TTN: variants seen among roughly 807,000 people sequenced by gnomAD.
The protein encoded by TTN is titin.
A neutral mutation model predicts 3,223.0 loss-of-function variants in TTN; 1,525 were observed. The observed-to-expected ratio is 0.47, with a 90% CI of 0.45 to 0.49. TTN has a LOEUF of 0.49. Among genes scored for constraint, TTN ranks in the 20% least tolerant of loss-of-function variants. TTN has a pLI of 0.00. For synonymous variants in TTN, 14,094 were observed against 15,161.0 expected (o/e 0.93, Z 5.17); for missense variants, 40,786 against 43,424.0 (o/e 0.94, Z 5.40).
chr2:178,634,916 T>C lies in TTN; in HGVS notation c.42025-67A>G, dbSNP rs569261819. On this transcript the variant is annotated intron_variant, in intron 228 of 362. Transcript: ENST00000589042. The surrounding 1 kb of genome is among the most constrained non-coding windows in gnomAD (Gnocchi z 4.6). The stretch of plus-strand genomic sequence containing the variant: ...TTCCCTATAGGAGAAGTGTTTCAGA[T>C]ACAAATTTCTATAGAGTTTTAAAAA... The C allele has an allele frequency of 3.9e-6, 6 of 1,528,312 alleles. No homozygotes were observed. In the South Asian group the frequency reaches 7.6e-5, roughly 19 times the overall value. The allele number at this position is 1,528,312 out of a possible 1,614,324, so 94.7% of individuals were successfully genotyped here.
Position 178,549,703 on chromosome 2 carries a change from T to A in TTN, c.92019A>T (p.Lys30673Asn), listed in dbSNP as rs779897504. The change falls in exon 338 of 363, where the codon AAA becomes AAT. Residue 30673 changes from lysine to asparagine, a missense_variant. Physicochemically the swap from Lys to Asn is moderately conservative, Grantham distance 94. Transcript: ENST00000589042. Reference sequence around the variant, plus strand: ...TGGCAGTGTAACTTTGGGCTTCACATTTATCCTCAATTAGTGCCCAGGCAA... The same window carrying A: ...TGGCAGTGTAACTTTGGGCTTCACAATTATCCTCAATTAGTGCCCAGGCAA... ...SRLAWALIED[K>N]CEAQSYTAIK... The A allele has an allele frequency of 9.9e-6, 16 of 1,613,632 alleles. No homozygotes were observed. In the East Asian group the frequency reaches 3.6e-4, roughly 36 times the overall value.
Position 178,567,996 on chromosome 2 carries a change from G to T in TTN, c.78136C>A (p.His26046Asn), listed in dbSNP as rs747097682. 10 of 1,613,290 alleles carry T rather than the reference G, an allele frequency of 6.2e-6. No homozygotes were observed. In the Admixed American group the frequency reaches 1.7e-4, roughly 27 times the overall value. The change falls in exon 326 of 363, where the codon CAT (histidine) becomes AAT (asparagine). Residue 26046 changes from histidine to asparagine, a missense_variant. Physicochemically the swap from His to Asn is moderately conservative, Grantham distance 68 (BLOSUM62 1). Coordinates refer to ENST00000589042, the MANE Select transcript of TTN (RefSeq NM_001267550.2). Reference sequence around the variant, plus strand: ...TTCTGTGCTTTGAATTGGGTGTCATGAATAATAGTTTTGTTGACCTTTGTC... The same window carrying T: ...TTCTGTGCTTTGAATTGGGTGTCATTAATAATAGTTTTGTTGACCTTTGTC... ...LWTKVNKTII[H>N]DTQFKAQNLE...
In TTN at chr2:178,618,190, A is replaced by G. The variant is rs767648160; in HGVS notation, c.47268T>C (p.Tyr15756=). ...TDNPVEARSK[Y]DVPGPPLNVT... ...TTGAATTTACTTAAAACTTCTTACC[A>G]TATTTACTCCTTGCTTCTACAGGAT... Residue 15756 remains tyrosine, a splice_region_variant and synonymous_variant, in exon 252 of 363, where the codon TAT becomes TAC. Coordinates refer to ENST00000589042, the MANE Select transcript of TTN (RefSeq NM_001267550.2). The G allele has an allele frequency of 9.3e-6, 15 of 1,611,504 alleles. No individual in the cohort carries two copies. The South Asian group carries it at 1.7e-4, about 18-fold the overall frequency.
intron 13 of TTN, among the ~76,000 whole-genome samples, chr2:178,787,217 C>G (rs910625919): frequency 6.6e-6 from 1 of 151,978 alleles, no homozygotes; most frequent in Admixed American, 6.6e-5. Context: ...CTGAACCATT[C>G]AAGATATAAA....
intron 312 of TTN, 133 bp downstream of exon 312, chr2:178,583,474 T>A: frequency 9.9e-7 from 1 of 1,010,232 alleles, no homozygotes; most frequent in East Asian, 2.7e-5. Context: ...ATAATCATAA[T>A]GTTTGTGTCT....
chr2:178,713,337 T>C lies in TTN; in HGVS notation c.26797A>G (p.Lys8933Glu). 6.4e-7 allele frequency: 1 copy of C among 1,556,460 alleles called. No individual in the cohort carries two copies. The highest frequency in any genetic ancestry group is 1.4e-5 in the African/African-American group (1 of 73,722). The change falls in exon 93 of 363, where the codon AAA becomes GAA. Residue 8933 changes from lysine (K) to glutamate (E), a missense_variant. Lys to Glu is a moderately conservative substitution (Grantham distance 56). Transcript: ENST00000589042. The part of the protein sequence containing the change: ...TVPPSFTRKL[K>E]ETNGLSGSSV... ...GAGCCGGATAGACCATTTGTCTCTT[T>C]CAATTTTCTTGTGAATGAAGGAGGA... is the stretch of plus-strand genomic sequence containing the variant.
In TTN at chr2:178,605,525, C is replaced by T. The variant is rs886916206; in HGVS notation, c.53770G>A (p.Val17924Ile). The change falls in exon 279 of 363, where the codon GTT (valine) becomes ATT (isoleucine). Residue 17924 changes from valine (V) to isoleucine (I), a missense_variant. Coordinates refer to ENST00000589042, the MANE Select transcript of TTN (RefSeq NM_001267550.2). ...ATTTGGTGTTCATCAAGATTTTCAA[C>T]CAGAAAAGATGTGGTTGGGCAGAGT... is the stretch of plus-strand genomic sequence containing the variant. ...KRLCPTTSFL[V>I]ENLDEHQMYE... 11 of 1,612,148 alleles carry T rather than the reference C, an allele frequency of 6.8e-6. No homozygotes were observed. The highest frequency in any genetic ancestry group is 3.3e-5 in the Admixed American group (2 of 59,906).
chr2:178,560,635 T>C lies in TTN; in HGVS notation c.85497A>G (p.Thr28499=). Residue 28499 remains threonine, a synonymous_variant, in exon 326 of 363, where the codon ACA becomes ACG. Coordinates refer to ENST00000589042, the MANE Select transcript of TTN (RefSeq NM_001267550.2). ...TCATCTGTAACTCTCCTTCACATATTGTCCATGCAAGGTGGCTTGTTTCAC... is the reference window on the plus strand; with the variant it reads ...TCATCTGTAACTCTCCTTCACATATCGTCCATGCAAGGTGGCTTGTTTCAC... The part of the protein sequence containing the change: ...EKRETSHLAW[T]ICEGELQMTS... 6.2e-7 allele frequency: 1 copy of C among 1,613,644 alleles called. No individual in the cohort carries two copies. Among genetic ancestry groups the C allele is most frequent in the Non-Finnish European group, 8.5e-7 (1 of 1,179,782 alleles).
Position 178,532,715 on chromosome 2 carries a change from G to T in TTN, c.103900C>A (p.Pro34634Thr). ...GGAGAAGGTGTACGCCGGCGGGCTG[G>T]TCTCACTATCTCAAGATCATCTTGG... ...LSQDDLEIVR[P>T]ARRRTPSPDY... Residue 34634 changes from proline (P) to threonine (T), a missense_variant, in exon 358 of 363, where the codon CCA becomes ACA. Transcript: ENST00000589042. The T allele has an allele frequency of 6.2e-7, 1 of 1,613,948 alleles. No homozygotes were observed. The highest frequency in any genetic ancestry group is 8.5e-7 in the Non-Finnish European group (1 of 1,179,854).
Position 178,696,251 on chromosome 2 carries a change from A to G in TTN, c.30821T>C (p.Val10274Ala). Reference protein sequence around the residue: ...IPAKAPEIIDVSSKAEEVKIM... With the variant: ...IPAKAPEIIDASSKAEEVKIM... ...TTTTACTTCTTCAGCTTTAGAGGAT[A>G]CATCAATGATTTCAGGAGCTAAAAT... Residue 10274 changes from valine to alanine, a missense_variant, in exon 114 of 363, where the codon GTA becomes GCA. Coordinates refer to ENST00000589042, the MANE Select transcript of TTN (RefSeq NM_001267550.2). 1 of 1,546,344 alleles carries G rather than the reference A, an allele frequency of 6.5e-7. No individual in the cohort carries two copies. The highest frequency in any genetic ancestry group is 8.7e-7 in the Non-Finnish European group (1 of 1,149,160).
rs747289468 is a variant in TTN, at chr2:178,739,267, G to C, written c.13966C>G (p.Gln4656Glu). The C allele has an allele frequency of 3.1e-6, 5 of 1,610,212 alleles. No homozygotes were observed. In the East Asian group the frequency reaches 9.0e-5, roughly 29 times the overall value. ...TCGATGACTAGCGTATATGTATTTT[G>C]ATCTTGTAAACACTTGAACTTTTCA... ...SDEKFKCLQD[Q>E]NTYTLVIDKV... The change falls in exon 48 of 363, where the codon CAA (glutamine) becomes GAA (glutamate). Residue 4656 changes from glutamine (Q) to glutamate (E), a missense_variant. Physicochemically the swap from Gln to Glu is conservative, Grantham distance 29 (BLOSUM62 2). Transcript: ENST00000589042.
rs556811292 is a variant in TTN at position 178,681,793 on chromosome 2, A to G, written c.33095-55T>C. The G allele has an allele frequency of 1.5e-4, 208 of 1,415,884 alleles. 2 individuals are homozygous for G. In the African/African-American group the frequency reaches 2.9e-3, roughly 20 times the overall value. The allele number at this position is 1,415,884 out of a possible 1,614,324, so 87.7% of individuals were successfully genotyped here. A position where few individuals can be genotyped will look rare whatever the true frequency, so the allele number is the denominator to read the frequency against. ...TTAGACTTAGAATATAAGTTTAAAC[A>G]TTTCTTAAAAGGAATCAAATAATTG... On this transcript the variant is annotated intron_variant, in intron 135 of 362. Transcript: ENST00000589042.
In TTN at chr2:178,674,404, C is replaced by T. The variant is rs1219997669; in HGVS notation, c.34618G>A (p.Glu11540Lys). 4 of 1,539,438 alleles carry T rather than the reference C, an allele frequency of 2.6e-6. No homozygotes were observed. Among genetic ancestry groups the T allele is most frequent in the African/African-American group, 1.4e-5 (1 of 72,544 alleles). Residue 11540 changes from glutamate to lysine, a missense_variant, in exon 151 of 363, where the codon GAG (glutamate) becomes AAG (lysine). By Grantham distance (56) the Glu-to-Lys change is moderately conservative. Coordinates refer to ENST00000589042, the MANE Select transcript of TTN (RefSeq NM_001267550.2). The part of the protein sequence containing the change: ...EEEVLPVEVT[E>K]EPEEEPISEE... Reference sequence around the variant, plus strand: ...GAAATAGGCTCTTCTTCAGGCTCCTCAGTCACTTTAAAAAGATTATTATTT... The same window carrying T: ...GAAATAGGCTCTTCTTCAGGCTCCTTAGTCACTTTAAAAAGATTATTATTT...
intron 218 of TTN, among the ~76,000 whole-genome samples, 178 bp from the exon 219 acceptor site, chr2:178,642,495 A>T (rs543656439): frequency 6.6e-6 from 1 of 152,124 alleles, no homozygotes; most frequent in Admixed American, 6.6e-5. Flanking sequence ...TCCTCTGCAA[A>T]TATCTATACA....
Position 178,581,900 on chromosome 2 carries a change from A to G in TTN, c.66463+6T>C. ...CAGGATATGGAACTCGTTCATGAAC[A>G]CTTACACTGAGGGTCCCGAGCATAA... On this transcript the variant is annotated splice_donor_region_variant and intron_variant, in intron 315 of 362. Coordinates refer to ENST00000589042, the MANE Select transcript of TTN (RefSeq NM_001267550.2). 6.2e-7 allele frequency: 1 copy of G among 1,612,850 alleles called. No homozygotes were observed. The highest frequency in any genetic ancestry group is 8.5e-7 in the Non-Finnish European group (1 of 1,179,370).
In TTN at chr2:178,548,085, C is replaced by G; in HGVS notation, c.93541G>C (p.Glu31181Gln). The G allele has an allele frequency of 6.2e-7, 1 of 1,613,808 alleles. No homozygotes were observed. Reference sequence around the variant, plus strand: ...TTGGCCTTCACACGGAATTCATATTCAGTTTTCTCAACAAGACGCTCTACT... The same window carrying G: ...TTGGCCTTCACACGGAATTCATATTGAGTTTTCTCAACAAGACGCTCTACT... Reference protein sequence around the residue: ...FTVERLVEKTEYEFRVKAKND... With the variant: ...FTVERLVEKTQYEFRVKAKND... The change falls in exon 339 of 363, where the codon GAA becomes CAA. Residue 31181 changes from glutamate (E) to glutamine (Q), a missense_variant. Transcript: ENST00000589042. The surrounding 1 kb of genome is among the most constrained non-coding windows in gnomAD (Gnocchi z 4.3).
At position 178,678,434 on chromosome 2, in the gene TTN, A is replaced by T. The variant is rs768802752; in HGVS notation, c.33890T>A (p.Val11297Glu). ...KKVPVPAPKK[V>E]EAPPAKVPEV... ...TGTACCTTTTGCAGGTGGAGCCTCC[A>T]CTTTCTTAGGAGCAGGAACTGGCAC... The change falls in exon 144 of 363, where the codon GTG becomes GAG. Residue 11297 changes from valine to glutamate, a missense_variant. Val to Glu is a moderately radical substitution (Grantham distance 121). Transcript: ENST00000589042. 8 of 1,593,348 alleles carry T rather than the reference A, an allele frequency of 5.0e-6. No individual in the cohort carries two copies. In the East Asian group the frequency reaches 1.8e-4, roughly 36 times the overall value.
At position 178,562,334 on chromosome 2, in the gene TTN, A is replaced by G. The variant is rs879145639; in HGVS notation, c.83798T>C (p.Val27933Ala). Residue 27933 changes from valine to alanine, a missense_variant, in exon 326 of 363, where the codon GTC becomes GCC. Coordinates refer to ENST00000589042, the MANE Select transcript of TTN (RefSeq NM_001267550.2). ...ISGLTAGEEY[V>A]FRVAAVNEKG... is the part of the protein sequence containing the mutation. ...TTCGTTAACTGCAGCTACCCTGAAG[A>G]CATACTCTTCTCCTGCAGTTAAGCC... The G allele has an allele frequency of 9.9e-6, 16 of 1,612,040 alleles. No individual in the cohort carries two copies. The highest frequency in any genetic ancestry group is 1.7e-5 in the Admixed American group (1 of 59,812).
Position 178,540,115 on chromosome 2 carries a change from C to T in TTN, c.98051G>A (p.Gly32684Asp), listed in dbSNP as rs774041992. 6 of 1,610,608 alleles carry T rather than the reference C, an allele frequency of 3.7e-6. No homozygotes were observed. Among genetic ancestry groups the T allele is most frequent in the Admixed American group, 1.7e-5 (1 of 59,942 alleles). Reference sequence around the variant, plus strand: ...TGTTCCTGGTACCTCAGCAGGCTCACCAGGTCCACCAGCATTACAAGCTAG... The same window carrying T: ...TGTTCCTGGTACCTCAGCAGGCTCATCAGGTCCACCAGCATTACAAGCTAG... ...RVLACNAGGP[G>D]EPAEVPGTVK... Residue 32684 changes from glycine (G) to aspartate (D), a missense_variant, in exon 351 of 363, where the codon GGT becomes GAT. Gly to Asp is a moderately conservative substitution (Grantham distance 94). Coordinates refer to ENST00000589042, the MANE Select transcript of TTN (RefSeq NM_001267550.2).
Sources: allele counts gnomAD v4.1 joint callset (sites outside exome capture counted in the v4.1 genomes callset), GRCh38; gene constraint gnomAD v4.1.1; non-coding constraint Gnocchi (gnomAD v3.1); transcripts MANE v1.5; gene names NCBI Gene and HGNC (gene_info 2026-07-23, HGNC 2026-07-21).